WRN: variants seen among roughly 807,000 people sequenced by gnomAD.
The protein encoded by WRN is WRN RecQ like helicase.
WRN carries 149 observed loss-of-function variants against 180.7 expected under a neutral mutation model. That is an observed-to-expected ratio of 0.82 (90% CI 0.72 to 0.94). WRN has a LOEUF of 0.94. WRN is among the 40% of genes least tolerant of loss of function. The probability of loss-of-function intolerance (pLI) is 0.00; values close to 1 mark genes in which losing one functional copy is unlikely to be tolerated. For synonymous variants in WRN, 548 were observed against 568.9 expected (o/e 0.96, Z 0.52); for missense variants, 1,661 against 1,700.1 (o/e 0.98, Z 0.40).
rs1313535740 is a variant in WRN, at chr8:31,091,741, T to C, written c.1830-89T>C. ...TTGCAAAGAACAGGAATATAAATTA[T>C]TATATTTCTTTATTCTTTCTCACTT... On this transcript the variant is annotated intron_variant, in intron 15 of 34. Coordinates refer to ENST00000298139, the MANE Select transcript of WRN (RefSeq NM_000553.6). The C allele has an allele frequency of 4.0e-6, 5 of 1,246,922 alleles. No individual in the cohort carries two copies. The African/African-American group carries it at 6.1e-5, about 15-fold the overall frequency. The allele number at this position is 1,246,922 out of a possible 1,614,324, so 77.2% of individuals were successfully genotyped here.
chr8:31,155,880 G>T (rs1378706765), intron 32 of WRN, among the ~76,000 whole-genome samples: 1 of 152,060 alleles, frequency 6.6e-6, no homozygotes, highest in Non-Finnish European at 1.5e-5. Flanking sequence ...CACACCTCTT[G>T]TTCAGGTTTT....
At chr8:31,169,529 G>C (rs1223038543) in intron 34 of WRN, among the ~76,000 whole-genome samples, 3 of 151,946 alleles carry the variant, frequency 2.0e-5, no homozygotes, top group Non-Finnish European at 2.9e-5. Context: ...ATTTGGAAAG[G>C]CTACAGTTTT....
chr8:31,056,974 C>T (rs1056096415), intron 1 of WRN, among the ~76,000 whole-genome samples: 5 of 151,794 alleles, frequency 3.3e-5, no homozygotes, highest in African/African-American at 1.2e-4. Context: ...AGTCTCTCTC[C>T]CCCAGTGGTG....
intron 30 of WRN, among the ~76,000 whole-genome samples, chr8:31,149,406 TA>T (rs1803007892): frequency 8.6e-6 from 1 of 116,664 alleles, no homozygotes; most frequent in Non-Finnish European, 1.8e-5. Flanking sequence ...AAAAAAAAAA[TA>T]AAAAATAAAA....
chr8:31,158,185 G>A (rs1355225338), intron 33 of WRN, among the ~76,000 whole-genome samples: 1 of 151,892 alleles, frequency 6.6e-6, no homozygotes, highest in Admixed American at 6.6e-5. Flanking sequence ...CTGACTCCTA[G>A]TTCTTCCCTA....
chr8:31,102,790 C>T (rs776990160), intron 18 of WRN, among the ~76,000 whole-genome samples: 9 of 152,064 alleles, frequency 5.9e-5, no homozygotes, highest in South Asian at 2.1e-4. Flanking sequence ...TACACTTAGG[C>T]GACACTAAAT....
At chr8:31,080,838 G>T in intron 8 of WRN, 29 bp from the exon 9 acceptor site, 1 of 1,550,548 alleles carries the variant, frequency 6.4e-7, no homozygotes, top group South Asian at 1.2e-5. Context: ...AATTGAAGTT[G>T]AATTAATCTT....
rs531745596 is a variant in WRN at position 31,045,151 on chromosome 8, C to A, written c.-77+11178C>A. On this transcript the variant is annotated intron_variant, in intron 1 of 34. Transcript: ENST00000298139. ...CAAAGATAAGAAATGTCTCCTTCAT[C>A]GTATGTCAAATTTCCATATTTACAT... is the stretch of plus-strand genomic sequence containing the variant. Among the ~76,000 whole-genome samples, 12 of 152,230 alleles carry A rather than the reference C, an allele frequency of 7.9e-5. No homozygotes were observed. The East Asian group carries it at 2.1e-3, about 27-fold the overall frequency.
At chr8:31,140,713 C>T (rs1242959204) in intron 24 of WRN, among the ~76,000 whole-genome samples, 1 of 152,168 alleles carries the variant, frequency 6.6e-6, no homozygotes, top group Admixed American at 6.5e-5. Flanking sequence ...GCACTGCACT[C>T]ATGGATGAAT....
intron 28 of WRN, 80 bp downstream of exon 28, chr8:31,143,703 TG>T: frequency 9.6e-7 from 1 of 1,039,214 alleles, no homozygotes; most frequent in Non-Finnish European, 1.5e-6. Flanking sequence ...TGTCAGATGT[TG>T]GGCTATTTCA....
In WRN at chr8:31,174,791, C is replaced by CTT. The variant is rs879528188; in HGVS notation, c.*1690_*1691dup. Among the ~76,000 whole-genome samples the CTT allele has an allele frequency of 1.8e-5, 2 of 109,454 alleles. No individual in the cohort carries two copies. Among genetic ancestry groups the CTT allele is most frequent in the African/African-American group, 3.3e-5 (1 of 30,586 alleles). The allele number at this position is 109,454 out of a possible 152,430, so 71.8% of individuals were successfully genotyped here. A position where few individuals can be genotyped will look rare whatever the true frequency, so the allele number is the denominator to read the frequency against. Reference sequence around the variant, plus strand: ...TTCTCTCTTTCCTTCCTTCCCTTCCCTTCCCCTTCCTTCCTTCCTTCCTTC... The same window carrying CTT: ...TTCTCTCTTTCCTTCCTTCCCTTCCCTTTTCCCCTTCCTTCCTTCCTTCCTTC... On this transcript the variant is annotated 3_prime_UTR_variant, in exon 35 of 35. Coordinates refer to ENST00000298139, the MANE Select transcript of WRN (RefSeq NM_000553.6).
chr8:31,071,337 C>T (rs529847639), intron 7 of WRN, among the ~76,000 whole-genome samples: 1 of 152,020 alleles, frequency 6.6e-6, no homozygotes, highest in Non-Finnish European at 1.5e-5. Flanking sequence ...AGAACTTGGG[C>T]TCTAGAATAA....
At chr8:31,134,587 G>T (rs1802326806) in intron 24 of WRN, among the ~76,000 whole-genome samples, 1 of 152,148 alleles carries the variant, frequency 6.6e-6, no homozygotes, top group Admixed American at 6.5e-5. Flanking sequence ...GATAAGATAT[G>T]CAATGACCTT....
intron 7 of WRN, among the ~76,000 whole-genome samples, chr8:31,071,029 G>A (rs1585415946): frequency 7.2e-6 from 1 of 139,594 alleles, no homozygotes; most frequent in Non-Finnish European, 1.5e-5. Flanking sequence ...CTGCACAAGA[G>A]CGAGACTCTG....
rs183871385 is a variant in WRN, at chr8:31,044,325, G to A, written c.-77+10352G>A. ...CAAAGTGCTAGGATTACAGGCGTGA[G>A]CCGCTTGCCCGACCTTCTTTTTTTT... On this transcript the variant is annotated intron_variant, in intron 1 of 34. Transcript: ENST00000298139. Among the ~76,000 whole-genome samples the A allele has an allele frequency of 4.1e-5, 6 of 144,646 alleles. No homozygotes were observed. In the Admixed American group the frequency reaches 4.3e-4, roughly 10 times the overall value. 94.9% of individuals were successfully genotyped at this position (144,646 alleles called of 152,430 possible). A position where few individuals can be genotyped will look rare whatever the true frequency, so the allele number is the denominator to read the frequency against.
In WRN at chr8:31,072,947, C is replaced by T. The variant is rs552341145; in HGVS notation, c.725-3226C>T. 1.1e-4 allele frequency among the ~76,000 whole-genome samples: 16 copies of T among 152,112 alleles called. No homozygotes were observed. In the East Asian group the frequency reaches 2.9e-3, roughly 28 times the overall value. On this transcript the variant is annotated intron_variant, in intron 7 of 34. Coordinates refer to ENST00000298139, the MANE Select transcript of WRN (RefSeq NM_000553.6). ...GGCTGGCTCTTTTGGAGGAACAGTA[C>T]CTATAACTGAATGAAATGAGTGAGG...
rs970955283 is a variant in WRN, at chr8:31,174,662, C to CACT, written c.*1574_*1576dup. ...AAAGACTTCTCTTTCTCTTCGCTTT[C>CACT]ACTACTACTACTACTAATTCTTCTT... On this transcript the variant is annotated 3_prime_UTR_variant, in exon 35 of 35. Transcript: ENST00000298139. Among the ~76,000 whole-genome samples the CACT allele has an allele frequency of 6.6e-6, 1 of 152,036 alleles. No homozygotes were observed. Among genetic ancestry groups the CACT allele is most frequent in the Non-Finnish European group, 1.5e-5 (1 of 67,996 alleles).
chr8:31,095,447 G>A (rs1335398417), intron 16 of WRN, among the ~76,000 whole-genome samples: 1 of 152,042 alleles, frequency 6.6e-6, no homozygotes, highest in Non-Finnish European at 1.5e-5. Context: ...CGTTCTTTTA[G>A]GGATTTTGCT....
At chr8:31,067,354 A>G (rs1371787026) in intron 6 of WRN, among the ~76,000 whole-genome samples, 172 bp downstream of exon 6, 2 of 152,218 alleles carry the variant, frequency 1.3e-5, no homozygotes, top group African/African-American at 2.4e-5. Flanking sequence ...CATTTTCGAT[A>G]TTAATTAGCA....
Sources: allele counts gnomAD v4.1 joint callset (sites outside exome capture counted in the v4.1 genomes callset), GRCh38; gene constraint gnomAD v4.1.1; transcripts MANE v1.5; gene names NCBI Gene and HGNC (gene_info 2026-07-23, HGNC 2026-07-21).